Variants in ACOXL observed in about 807,000 individuals in gnomAD.
ACOXL encodes the protein acyl-coenzyme A oxidase-like protein.
Under a neutral mutation model 71.9 loss-of-function variants are expected in ACOXL, and 70 were observed. The ratio of observed to expected loss-of-function variants is 0.97; its 90% CI spans 0.80 to 1.19. The LOEUF is 1.19. Ranked by LOEUF, ACOXL falls within the 50% of genes most tolerant of loss-of-function variation. The pLI is 0.00. For missense variants in ACOXL, 703 were observed against 736.3 expected (o/e 0.95, Z 0.52); for synonymous variants, 253 against 281.6 (o/e 0.90, Z 1.02).
At position 110,886,808 on chromosome 2, in the gene ACOXL, T is replaced by C. The variant is rs998940272; in HGVS notation, c.789-21981T>C. 6 of 1,550,962 alleles carry C rather than the reference T, an allele frequency of 3.9e-6. No individual in the cohort carries two copies. The Admixed American group carries it at 1.2e-4, about 30-fold the overall frequency. On this transcript the variant is annotated intron_variant, in intron 10 of 17. Transcript: ENST00000439055. ...CCAGAATCATCTCCCAGAACTGCTGTTCAGCTCCAGCTGGTCTTTATTGAG... is the reference window on the plus strand; with the variant it reads ...CCAGAATCATCTCCCAGAACTGCTGCTCAGCTCCAGCTGGTCTTTATTGAG...
At chr2:111,107,811 G>C (rs2069653407) in intron 17 of ACOXL, among the ~76,000 whole-genome samples, 1 of 152,228 alleles carries the variant, frequency 6.6e-6, no homozygotes, top group South Asian at 2.1e-4. Context: ...TTTGAGAAGA[G>C]AAAATGGTAT....
intron 12 of ACOXL, among the ~76,000 whole-genome samples, chr2:110,978,457 G>A (rs1055811204): frequency 6.6e-6 from 1 of 152,280 alleles, no homozygotes; most frequent in Non-Finnish European, 1.5e-5. Context: ...TTTACAGACC[G>A]CAGAGAAGTG....
chr2:111,023,457 G>C (rs2064871881), intron 14 of ACOXL, among the ~76,000 whole-genome samples: 1 of 152,070 alleles, frequency 6.6e-6, no homozygotes, highest in Non-Finnish European at 1.5e-5. Context: ...TCAAAAAATG[G>C]GATTTTTTGA....
intron 10 of ACOXL, among the ~76,000 whole-genome samples, chr2:110,877,897 G>A (rs1012627479): frequency 5.3e-5 from 8 of 152,234 alleles, no homozygotes; most frequent in African/African-American, 1.4e-4. Context: ...ACTGCATCCC[G>A]CAGCCGTGCA....
At chr2:110,867,068 T>C (rs1694693504) in intron 10 of ACOXL, among the ~76,000 whole-genome samples, 1 of 152,078 alleles carries the variant, frequency 6.6e-6, no homozygotes, top group African/African-American at 2.4e-5. Flanking sequence ...CGTGCTTTGC[T>C]GAATGGAGGA....
At chr2:110,865,356 G>A (rs753973767) in intron 10 of ACOXL, among the ~76,000 whole-genome samples, 1 of 152,186 alleles carries the variant, frequency 6.6e-6, no homozygotes, top group Non-Finnish European at 1.5e-5. Context: ...CCTCAGATCT[G>A]CCTCTCAAAC....
intron 10 of ACOXL, among the ~76,000 whole-genome samples, chr2:110,857,933 C>T (rs765667506): frequency 2.0e-5 from 3 of 152,102 alleles, no homozygotes; most frequent in African/African-American, 4.8e-5. Context: ...GCCATGTTGC[C>T]CAGGCTGGTC....
intron 12 of ACOXL, among the ~76,000 whole-genome samples, chr2:110,972,616 C>T (rs1035530090): frequency 7.0e-5 from 10 of 143,054 alleles, no homozygotes; most frequent in Admixed American, 5.7e-4. Flanking sequence ...GCATCTCTGT[C>T]TCTCTCACAC....
chr2:111,007,348 A>G (rs1364716495), intron 14 of ACOXL, among the ~76,000 whole-genome samples: 1 of 152,050 alleles, frequency 6.6e-6, no homozygotes, highest in Non-Finnish European at 1.5e-5. Flanking sequence ...CCTAGTAGGG[A>G]TTTTCTATTT....
At chr2:111,090,230 C>T (rs1175314054) in intron 16 of ACOXL, among the ~76,000 whole-genome samples, 1 of 152,126 alleles carries the variant, frequency 6.6e-6, no homozygotes, top group East Asian at 1.9e-4. Context: ...AGATCCCCTT[C>T]CTCACAGTTA....
chr2:110,916,780 C>G (rs2059877330), intron 11 of ACOXL, among the ~76,000 whole-genome samples: 1 of 152,170 alleles, frequency 6.6e-6, no homozygotes, highest in Admixed American at 6.5e-5. Flanking sequence ...CTATAAACAC[C>G]TCTACACAAT....
At chr2:110,886,315 CTCTGATGGTCACAGCAT>C (rs1481062307) in intron 10 of ACOXL, among the ~76,000 whole-genome samples, 1 of 151,544 alleles carries the variant, frequency 6.6e-6, no homozygotes, top group Non-Finnish European at 1.5e-5. Context: ...CAGGCATTTT[CTCTGATGGTCACAGCAT>C]TCTTCCCCAC....
intron 12 of ACOXL, chr2:110,963,593 GTGTGTGT>G (rs747007686): frequency 1.4e-6 from 2 of 1,447,446 alleles, no homozygotes; most frequent in African/African-American, 3.9e-5. Flanking sequence ...GTGTGTGTGT[GTGTGTGT>G]GTGTTTTTCT....
chr2:110,917,427 A>G (rs2059904823), intron 11 of ACOXL, among the ~76,000 whole-genome samples: 1 of 152,262 alleles, frequency 6.6e-6, no homozygotes. Context: ...GCTATCTATG[A>G]CAAACCCACA....
intron 15 of ACOXL, chr2:111,036,796 C>T (rs2065539056): frequency 1.3e-5 from 2 of 152,074 alleles, no homozygotes; most frequent in South Asian, 4.1e-4. Context: ...TACTCACACA[C>T]AAAATTGCTT....
At chr2:110,852,963 C>T (rs940622218) in intron 10 of ACOXL, among the ~76,000 whole-genome samples, 3 of 152,122 alleles carry the variant, frequency 2.0e-5, no homozygotes, top group African/African-American at 7.2e-5. Context: ...GTGCTTGGAG[C>T]GGAAGGAGAG....
At chr2:110,999,155 T>C (rs1204560677) in intron 14 of ACOXL, among the ~76,000 whole-genome samples, 1 of 152,004 alleles carries the variant, frequency 6.6e-6, no homozygotes, top group Non-Finnish European at 1.5e-5. Context: ...TCCCAAAGGG[T>C]TGGTTTTCTT....
At chr2:110,742,108 A>G (rs1004696706) in intron 1 of ACOXL, among the ~76,000 whole-genome samples, 2 of 152,220 alleles carry the variant, frequency 1.3e-5, no homozygotes, top group African/African-American at 4.8e-5. Flanking sequence ...GGGGACAGCT[A>G]TTGCTGTCTT....
intron 9 of ACOXL, among the ~76,000 whole-genome samples, chr2:110,826,769 C>CT (rs1302346360): frequency 8.4e-4 from 105 of 124,880 alleles, no homozygotes; most frequent in African/African-American, 1.7e-3. Context: ...TTTTTTTTTC[C>CT]TTTTTTTTTT....
Sources: allele counts gnomAD v4.1 joint callset (sites outside exome capture counted in the v4.1 genomes callset), GRCh38; gene constraint gnomAD v4.1.1; transcripts MANE v1.5; gene names NCBI Gene and HGNC (gene_info 2026-07-23, HGNC 2026-07-21).